GOLPH3: variants seen among roughly 807,000 people sequenced by gnomAD.
The protein encoded by GOLPH3 is golgi phosphoprotein 3.
A neutral mutation model predicts 28.5 loss-of-function variants in GOLPH3; 14 were observed. That is an observed-to-expected ratio of 0.49 (90% confidence interval 0.32 to 0.77). GOLPH3 has a LOEUF of 0.77. GOLPH3 is among the 30% of genes least tolerant of loss of function. The probability of loss-of-function intolerance (pLI) is 0.03; values close to 1 mark genes in which losing one functional copy is unlikely to be tolerated. For synonymous variants in GOLPH3, 158 were observed against 159.2 expected, an observed-to-expected ratio of 0.99 and a Z score of 0.06; for missense variants, 350 against 393.7, an observed-to-expected ratio of 0.89 and a Z score of 0.94.
At chr5:32,162,423 C>T (rs1190992770) in intron 1 of GOLPH3, among the ~76,000 whole-genome samples, 15 of 150,782 alleles carry the variant, frequency 9.9e-5, no homozygotes, top group Admixed American at 9.3e-4. Context: ...ACCCGGGAGG[C>T]GGAGCTTGCG....
chr5:32,170,542 C>G (rs1448852759), intron 1 of GOLPH3, among the ~76,000 whole-genome samples: 1 of 152,184 alleles, frequency 6.6e-6, no homozygotes, highest in Non-Finnish European at 1.5e-5. Context: ...CAGGGTAAGA[C>G]AGCAATTCCT....
At chr5:32,126,680 G>A (rs1392646062) in intron 3 of GOLPH3, 44 bp from the exon 4 acceptor site, 4 of 1,511,762 alleles carry the variant, frequency 2.6e-6, no homozygotes, top group African/African-American at 1.4e-5. Flanking sequence ...AGTATTATCT[G>A]CTAATTTTGC....
chr5:32,153,477 C>A (rs1746356066), intron 1 of GOLPH3, among the ~76,000 whole-genome samples: 1 of 149,854 alleles, frequency 6.7e-6, no homozygotes, highest in South Asian at 2.1e-4. Flanking sequence ...AGTGATAGAG[C>A]CACAAAGAAA....
intron 1 of GOLPH3, among the ~76,000 whole-genome samples, chr5:32,149,932 G>A (rs1746268451): frequency 6.6e-6 from 1 of 151,998 alleles, no homozygotes; most frequent in Non-Finnish European, 1.5e-5. Context: ...GGGAGGCAGA[G>A]GCTGCAGTGA....
intron 1 of GOLPH3, among the ~76,000 whole-genome samples, chr5:32,159,556 A>G (rs567677043): frequency 6.6e-6 from 1 of 152,342 alleles, no homozygotes; most frequent in East Asian, 1.9e-4. Flanking sequence ...GTGTGAGCAG[A>G]CACTCCCTCT....
At position 32,158,132 on chromosome 5, in the gene GOLPH3, T is replaced by TAAA. The variant is rs1308648161; in HGVS notation, c.226-14253_226-14252insTTT. On this transcript the variant is annotated intron_variant, in intron 1 of 3. Coordinates refer to ENST00000265070, the MANE Select transcript of GOLPH3 (RefSeq NM_022130.4). ...TAAATAAATAAATAAATAAATAAAATACACACACACACACACACACACACA... is the reference window on the plus strand; with the variant it reads ...TAAATAAATAAATAAATAAATAAAATAAAACACACACACACACACACACACACA... 3.4e-3 allele frequency among the ~76,000 whole-genome samples: 114 copies of TAAA among 33,680 alleles called. 2 individuals carry two copies. The highest frequency in any genetic ancestry group is 4.4e-3 in the Non-Finnish European group (73 of 16,666). The allele number at this position is 33,680 out of a possible 152,430, so 22.1% of individuals were successfully genotyped here. A position where few individuals can be genotyped will look rare whatever the true frequency, so the allele number is the denominator to read the frequency against.
rs761283308 is a variant in GOLPH3 at position 32,126,125 on chromosome 5, A to C, written c.*87T>G. The stretch of plus-strand genomic sequence containing the variant: ...ACAGAAGCCAATTATAGTGTGGGAA[A>C]GTACAAATTACAGAAAACCAGAAGT... On this transcript the variant is annotated 3_prime_UTR_variant, in exon 4 of 4. Transcript: ENST00000265070. 57 of 1,349,224 alleles carry C rather than the reference A, an allele frequency of 4.2e-5. 1 individual carries two copies. The highest frequency in any genetic ancestry group is 5.2e-5 in the Non-Finnish European group (51 of 980,934). 83.6% of individuals were successfully genotyped at this position (1,349,224 alleles called of 1,614,324 possible).
chr5:32,137,174 G>A (rs1464856492), intron 2 of GOLPH3, among the ~76,000 whole-genome samples: 1 of 151,570 alleles, frequency 6.6e-6, no homozygotes, highest in East Asian at 2.0e-4. Flanking sequence ...GGTCAGGCTG[G>A]TCTCAAACTC....
intron 1 of GOLPH3, among the ~76,000 whole-genome samples, chr5:32,154,603 CCT>C (rs1746376655): frequency 6.6e-6 from 1 of 151,898 alleles, no homozygotes; most frequent in Non-Finnish European, 1.5e-5. Context: ...TAATTTTTCC[CCT>C]CTCAAATGTT....
intron 1 of GOLPH3, among the ~76,000 whole-genome samples, chr5:32,146,217 G>A (rs58458307): frequency 0.022 from 3,397 of 151,634 alleles, 120 homozygotes; most frequent in African/African-American, 0.076. Flanking sequence ...CTGAGCTCAG[G>A]AACTTGAGGC....
chr5:32,158,396 T>C (rs1581553618), intron 1 of GOLPH3, among the ~76,000 whole-genome samples: 1 of 152,194 alleles, frequency 6.6e-6, no homozygotes, highest in East Asian at 1.9e-4. Context: ...TACTTCCCTT[T>C]GTTCACAACT....
At chr5:32,166,977 G>A (rs1329869573) in intron 1 of GOLPH3, among the ~76,000 whole-genome samples, 1 of 151,630 alleles carries the variant, frequency 6.6e-6, no homozygotes, top group Non-Finnish European at 1.5e-5. Flanking sequence ...GGGGGGGGGA[G>A]TTTGCAAAGA....
intron 2 of GOLPH3, among the ~76,000 whole-genome samples, chr5:32,136,960 CTTTT>C (rs1309204798): frequency 6.6e-6 from 1 of 151,796 alleles, no homozygotes; most frequent in Non-Finnish European, 1.5e-5. Context: ...TTCTTGGTTT[CTTTT>C]TTTTCTTTTT....
intron 1 of GOLPH3, among the ~76,000 whole-genome samples, chr5:32,152,305 T>G (rs1421157810): frequency 6.6e-6 from 1 of 151,490 alleles, no homozygotes; most frequent in East Asian, 2.0e-4. Flanking sequence ...TATTCTATTT[T>G]TAGTACAGAT....
At chr5:32,138,778 G>A (rs1004978673) in intron 2 of GOLPH3, among the ~76,000 whole-genome samples, 1 of 152,208 alleles carries the variant, frequency 6.6e-6, no homozygotes, top group East Asian at 1.9e-4. Flanking sequence ...GCTCATAGAT[G>A]TATGTAGCTA....
chr5:32,161,371 T>TCCA (rs1450367130), intron 1 of GOLPH3, among the ~76,000 whole-genome samples: 1 of 128,024 alleles, frequency 7.8e-6, no homozygotes, highest in East Asian at 2.4e-4. Context: ...ACCACTGGAC[T>TCCA]CCACCCTGGG....
intron 2 of GOLPH3, among the ~76,000 whole-genome samples, chr5:32,140,199 A>T (rs1439998923): frequency 1.3e-5 from 2 of 152,006 alleles, no homozygotes; most frequent in Non-Finnish European, 2.9e-5. Context: ...AAAAAAAAAA[A>T]TAAGATTGAA....
chr5:32,162,325 A>C (rs1343649856), intron 1 of GOLPH3, among the ~76,000 whole-genome samples: 1 of 148,468 alleles, frequency 6.7e-6, no homozygotes, highest in Non-Finnish European at 1.5e-5. Context: ...ACCCCGTCTC[A>C]ACTAAAAATA....
chr5:32,172,467 C>T (rs1746858410), intron 1 of GOLPH3, among the ~76,000 whole-genome samples: 1 of 151,802 alleles, frequency 6.6e-6, no homozygotes, highest in Non-Finnish European at 1.5e-5. Flanking sequence ...GAGGCCGAGG[C>T]AGGCGGATCA....
Sources: allele counts gnomAD v4.1 joint callset (sites outside exome capture counted in the v4.1 genomes callset), GRCh38; gene constraint gnomAD v4.1.1; transcripts MANE v1.5; gene names NCBI Gene and HGNC (gene_info 2026-07-23, HGNC 2026-07-21).